Variants in NFIB observed in about 807,000 individuals in gnomAD.
NFIB encodes nuclear factor I B, also known as nuclear factor 1 B-type.
In NFIB, 11 loss-of-function variants were observed where a neutral mutation model predicts 61.5. The observed-to-expected ratio is 0.18, with a 90% CI of 0.11 to 0.30. The LOEUF is 0.30. Among genes scored for constraint, NFIB ranks in the 10% least tolerant of loss-of-function variants. The pLI is 1.00. For missense variants in NFIB, 471 were observed against 608.9 expected, an observed-to-expected ratio of 0.77 and a Z score of 2.38; for synonymous variants, 260 against 216.5, an observed-to-expected ratio of 1.20 and a Z score of -1.76.
chr9:14,461,955 T>A, the NFIB span, among the ~76,000 whole-genome samples: 1 of 152,172 alleles, frequency 6.6e-6, no homozygotes. Flanking sequence ...TATACACATG[T>A]TATTGATGAT....
At chr9:14,396,106 T>C (rs907750485) in intron 1 of NFIB, among the ~76,000 whole-genome samples, 4 of 152,168 alleles carry the variant, frequency 2.6e-5, no homozygotes, top group African/African-American at 9.7e-5. Flanking sequence ...TTATTAAAAA[T>C]GCCAATAAAT....
chr9:14,231,682 G>C (rs1042521429), intron 2 of NFIB, among the ~76,000 whole-genome samples: 1 of 152,124 alleles, frequency 6.6e-6, no homozygotes, highest in Non-Finnish European at 1.5e-5. Flanking sequence ...TTTAACTTAA[G>C]AATGATTGCT....
chr9:14,324,022 G>A (rs1037272307), intron 1 of NFIB, among the ~76,000 whole-genome samples: 2 of 152,172 alleles, frequency 1.3e-5, no homozygotes, highest in African/African-American at 4.8e-5. Flanking sequence ...AAAAAAATTA[G>A]CATATACAGC....
At chr9:14,102,599 C>A in intron 10 of NFIB, 3 of 824,440 alleles carry the variant, frequency 3.6e-6, no homozygotes, top group South Asian at 3.3e-5. Flanking sequence ...TAGTACTGTA[C>A]ATGGCATTAA....
At chr9:14,466,829 G>C in the NFIB span, among the ~76,000 whole-genome samples, 1 of 152,164 alleles carries the variant, frequency 6.6e-6, no homozygotes, top group African/African-American at 2.4e-5. Flanking sequence ...ATTTGCCCCA[G>C]ATTTTGAAAA....
chr9:14,347,113 G>A (rs1436039422), intron 1 of NFIB, among the ~76,000 whole-genome samples: 1 of 151,404 alleles, frequency 6.6e-6, no homozygotes, highest in Non-Finnish European at 1.5e-5. Context: ...GGAGCTGGAA[G>A]GCAGGCAGAC....
At chr9:14,192,535 C>T (rs2048059302) in intron 2 of NFIB, among the ~76,000 whole-genome samples, 1 of 152,134 alleles carries the variant, frequency 6.6e-6, no homozygotes, top group Admixed American at 6.5e-5. Flanking sequence ...TGACTTCAGG[C>T]TAGGTCCAAC....
chr9:14,151,619 G>C (rs866243469), intron 4 of NFIB, among the ~76,000 whole-genome samples: 5 of 152,124 alleles, frequency 3.3e-5, no homozygotes, highest in East Asian at 3.9e-4. Context: ...GCCATAGCTG[G>C]CACTGGACTC....
the NFIB span, among the ~76,000 whole-genome samples, chr9:14,498,653 A>G: frequency 5.3e-5 from 8 of 152,134 alleles, no homozygotes; most frequent in Non-Finnish European, 2.9e-5. Flanking sequence ...GAAGTTCCAA[A>G]TCACAGGGAG....
chr9:14,418,832 T>C, the NFIB span, among the ~76,000 whole-genome samples: 4 of 152,284 alleles, frequency 2.6e-5, no homozygotes, highest in Admixed American at 1.3e-4. Context: ...TATTGGTGCG[T>C]TAACTAAAAA....
chr9:14,296,433 T>A (rs1448541290), intron 2 of NFIB, among the ~76,000 whole-genome samples: 1 of 152,240 alleles, frequency 6.6e-6, no homozygotes, highest in Non-Finnish European at 1.5e-5. Flanking sequence ...GCACATGATT[T>A]TTGTTACAAA....
chr9:14,362,857 C>T (rs2061256107), intron 1 of NFIB: 1 of 152,072 alleles, frequency 6.6e-6, no homozygotes. Context: ...GATCCTGTCA[C>T]TGCACTCCAG....
At chr9:14,202,410 T>C (rs1157619947) in intron 2 of NFIB, among the ~76,000 whole-genome samples, 1 of 152,190 alleles carries the variant, frequency 6.6e-6, no homozygotes, top group Non-Finnish European at 1.5e-5. Flanking sequence ...GTCTACTGAC[T>C]AGTTCGGGAG....
chr9:14,322,785 G>A (rs1000432770), intron 1 of NFIB, among the ~76,000 whole-genome samples: 4 of 152,006 alleles, frequency 2.6e-5, no homozygotes, highest in Non-Finnish European at 5.9e-5. Context: ...TCTCGAGCGT[G>A]GGTGGGTGCG....
chr9:14,522,648 A>G, the NFIB span, among the ~76,000 whole-genome samples: 5 of 152,186 alleles, frequency 3.3e-5, no homozygotes, highest in African/African-American at 1.2e-4. Context: ...AATCACAATA[A>G]CTATTATCCC....
intron 3 of NFIB, among the ~76,000 whole-genome samples, chr9:14,178,509 A>G (rs1221550191): frequency 6.6e-6 from 1 of 152,186 alleles, no homozygotes; most frequent in Non-Finnish European, 1.5e-5. Context: ...ATACATTTTT[A>G]AACCTGTGTT....
chr9:14,214,100 G>A (rs907285899), intron 2 of NFIB, among the ~76,000 whole-genome samples: 2 of 152,022 alleles, frequency 1.3e-5, no homozygotes, highest in Non-Finnish European at 2.9e-5. Flanking sequence ...CCCCAAATAG[G>A]CCACATCCTA....
chr9:14,096,929 T>G, intron 10 of NFIB, among the ~76,000 whole-genome samples: 1 of 152,178 alleles, frequency 6.6e-6, no homozygotes, highest in East Asian at 1.9e-4. Flanking sequence ...TTAGGAAGTG[T>G]TCTGAAGAGT....
intron 6 of NFIB, among the ~76,000 whole-genome samples, chr9:14,127,800 G>T (rs2039864718): frequency 3.3e-5 from 5 of 151,906 alleles, no homozygotes. Context: ...CTACTGTAAA[G>T]GCAGTAGACA....
Sources: gnomAD v4.1 joint callset for allele counts (sites outside exome capture counted in the v4.1 genomes callset) on GRCh38, gnomAD v4.1.1 for gene constraint, MANE v1.5 for transcripts, NCBI Gene and HGNC (gene_info 2026-07-23, HGNC 2026-07-21) for gene names.